Variants in CAB39L observed in about 807,000 individuals in gnomAD.
CAB39L encodes calcium binding protein 39 like.
CAB39L carries 23 observed loss-of-function variants against 39.1 expected under a neutral mutation model. That is an observed-to-expected ratio of 0.59 (90% CI 0.42 to 0.83). The LOEUF is 0.83. Among genes scored for constraint, CAB39L ranks in the 40% least tolerant of loss-of-function variants. CAB39L has a pLI of 0.00. For missense variants in CAB39L, 366 were observed against 391.9 expected (o/e 0.93, Z 0.56); for synonymous variants, 126 against 137.2 (o/e 0.92, Z 0.57).
Position 49,361,115 on chromosome 13 carries a change from GAA to G in CAB39L, c.277-1285_277-1284del, listed in dbSNP as rs138356553. Among the ~76,000 whole-genome samples the G allele has an allele frequency of 8.9e-3, 1,362 of 152,194 alleles. 10 individuals carry two copies. The highest frequency in any genetic ancestry group is 0.016 in the Non-Finnish European group (1,057 of 68,020). ...CTCACCCTGCAGAGTGAGCTAGCTAGAAATGCAAATATGACCATGCCATCTCT... is the reference window on the plus strand; with the variant it reads ...CTCACCCTGCAGAGTGAGCTAGCTAGATGCAAATATGACCATGCCATCTCT... On this transcript the variant is annotated intron_variant, in intron 5 of 10. Coordinates refer to ENST00000409308, the MANE Select transcript of CAB39L (RefSeq NM_001079670.3).
intron 3 of CAB39L, among the ~76,000 whole-genome samples, chr13:49,429,673 G>A (rs1170419168): frequency 6.6e-6 from 1 of 152,168 alleles, no homozygotes; most frequent in Admixed American, 6.5e-5. Flanking sequence ...ACCAGCATGA[G>A]TATACCATGA....
chr13:49,443,878 C>T (rs1194883312), intron 1 of CAB39L, 108 bp downstream of exon 1: 4 of 455,294 alleles, frequency 8.8e-6, no homozygotes, highest in Non-Finnish European at 1.8e-5. Context: ...CTCTCCTTTA[C>T]CCCATTGTTC....
At chr13:49,399,596 G>A (rs982794557) in intron 3 of CAB39L, among the ~76,000 whole-genome samples, 2 of 151,992 alleles carry the variant, frequency 1.3e-5, no homozygotes, top group Non-Finnish European at 2.9e-5. Context: ...GGGAAAATGG[G>A]TTCTAAATTT....
intron 10 of CAB39L, among the ~76,000 whole-genome samples, chr13:49,330,424 A>G (rs1167584625): frequency 6.6e-6 from 1 of 152,112 alleles, no homozygotes; most frequent in Non-Finnish European, 1.5e-5. Flanking sequence ...TAAGATTTTG[A>G]GACCAGCCTG....
At chr13:49,405,269 G>A (rs1956848082) in intron 3 of CAB39L, among the ~76,000 whole-genome samples, 3 of 152,024 alleles carry the variant, frequency 2.0e-5, no homozygotes, top group Admixed American at 2.0e-4. Context: ...GGAAAGAGCA[G>A]TAAGACATAT....
At chr13:49,329,439 C>T (rs1040011198) in intron 10 of CAB39L, among the ~76,000 whole-genome samples, 2 of 150,410 alleles carry the variant, frequency 1.3e-5, no homozygotes, top group East Asian at 2.0e-4. Flanking sequence ...TCCAGAGAGC[C>T]GAACACATGG....
chr13:49,431,142 C>T (rs1271913759), intron 3 of CAB39L, among the ~76,000 whole-genome samples: 1 of 152,166 alleles, frequency 6.6e-6, no homozygotes, highest in East Asian at 1.9e-4. Context: ...CTTTCCTGTC[C>T]CTTTGAATTC....
At chr13:49,362,871 A>G (rs2138513817) in intron 5 of CAB39L, among the ~76,000 whole-genome samples, 1 of 152,334 alleles carries the variant, frequency 6.6e-6, no homozygotes, top group African/African-American at 2.4e-5. Context: ...CAAATAACAT[A>G]CAATGGAGCT....
rs966535562 is a variant in CAB39L, at chr13:49,351,005, A to C, written c.396-93T>G. On this transcript the variant is annotated intron_variant, in intron 6 of 10. Coordinates refer to ENST00000409308, the MANE Select transcript of CAB39L (RefSeq NM_001079670.3). ...AAGAACCATTTCAATACTGCTATTA[A>C]TGGAAGCATACATACCATTTGTCAC... The C allele has an allele frequency of 1.7e-5, 15 of 874,942 alleles. No individual in the cohort carries two copies. In the Admixed American group the frequency reaches 4.5e-4, roughly 26 times the overall value. 54.2% of individuals were successfully genotyped at this position (874,942 alleles called of 1,614,324 possible).
chr13:49,396,277 TA>T (rs1292167878), intron 3 of CAB39L, among the ~76,000 whole-genome samples: 87 of 152,258 alleles, frequency 5.7e-4, no homozygotes, highest in Non-Finnish European at 1.1e-3. Flanking sequence ...TTTCCTCACA[TA>T]AGTTTATTTT....
chr13:49,332,156 C>T, intron 9 of CAB39L, 66 bp from the exon 10 acceptor site: 2 of 1,551,034 alleles, frequency 1.3e-6, no homozygotes. Flanking sequence ...TAGCTCACGT[C>T]TTCTCACTGA....
chr13:49,412,814 T>A (rs934699104), intron 3 of CAB39L: 2 of 152,160 alleles, frequency 1.3e-5, no homozygotes, highest in Non-Finnish European at 2.9e-5. Context: ...CATGCACAGT[T>A]CACAGAAGGG....
rs1003493455 is a variant in CAB39L at position 49,415,058 on chromosome 13, G to A, written c.-32+18260C>T. On this transcript the variant is annotated intron_variant, in intron 3 of 10. Coordinates refer to ENST00000409308, the MANE Select transcript of CAB39L (RefSeq NM_001079670.3). The stretch of plus-strand genomic sequence containing the variant: ...TAAAAATACAAAAAGTTAGCTGGGT[G>A]TGGTGGTGCGTGCCTGTGGTCCTAG... 1.2e-4 allele frequency among the ~76,000 whole-genome samples: 18 copies of A among 151,882 alleles called. 1 individual carries two copies. The highest frequency in any genetic ancestry group is 3.1e-4 in the African/African-American group (13 of 41,336).
In CAB39L at chr13:49,344,164, A is replaced by C; in HGVS notation, c.624+15T>G. On this transcript the variant is annotated intron_variant, in intron 8 of 10. Coordinates refer to ENST00000409308, the MANE Select transcript of CAB39L (RefSeq NM_001079670.3). ...AGAGAAAGTGGGAAAGTCTTTAAAA[A>C]TGATTTCTACTTACAGTGTCGTAAT... is the stretch of plus-strand genomic sequence containing the variant. 6.7e-7 allele frequency: 1 copy of C among 1,497,476 alleles called. No homozygotes were observed. Among genetic ancestry groups the C allele is most frequent in the Non-Finnish European group, 9.3e-7 (1 of 1,074,520 alleles). 92.8% of individuals were successfully genotyped at this position (1,497,476 alleles called of 1,614,324 possible). A position where few individuals can be genotyped will look rare whatever the true frequency, so the allele number is the denominator to read the frequency against.
intron 5 of CAB39L, among the ~76,000 whole-genome samples, chr13:49,361,361 C>T (rs1198211427): frequency 1.3e-5 from 2 of 150,558 alleles, no homozygotes; most frequent in African/African-American, 4.9e-5. Flanking sequence ...ACCTGTAGTC[C>T]CAGCTACTTG....
chr13:49,366,610 A>C (rs1281446208), intron 5 of CAB39L, among the ~76,000 whole-genome samples: 4 of 138,838 alleles, frequency 2.9e-5, no homozygotes, highest in Non-Finnish European at 6.2e-5. Context: ...CTGGGCAACA[A>C]GAGCGAAACT....
At chr13:49,400,600 A>C (rs75654243) in intron 3 of CAB39L, among the ~76,000 whole-genome samples, 1 of 152,122 alleles carries the variant, frequency 6.6e-6, no homozygotes, top group East Asian at 1.9e-4. Flanking sequence ...TTCATTTTAC[A>C]TAAAGTAGGA....
intron 10 of CAB39L, among the ~76,000 whole-genome samples, chr13:49,312,164 G>A (rs1954013391): frequency 6.6e-6 from 1 of 152,102 alleles, no homozygotes; most frequent in Admixed American, 6.5e-5. Context: ...CAAAGCTGTG[G>A]GATTACAGGC....
Position 49,420,132 on chromosome 13 carries a change from ATTT to A in CAB39L, c.-32+13183_-32+13185del, listed in dbSNP as rs935044528. Among the ~76,000 whole-genome samples, 129 of 152,354 alleles carry A rather than the reference ATTT, an allele frequency of 8.5e-4. 1 individual carries two copies. Among genetic ancestry groups the A allele is most frequent in the African/African-American group, 3.0e-3 (126 of 41,582 alleles). On this transcript the variant is annotated intron_variant, in intron 3 of 10. Coordinates refer to ENST00000409308, the MANE Select transcript of CAB39L (RefSeq NM_001079670.3). ...TTTAGATATCTGTGAAAGGACAATT[ATTT>A]TAATATTCTTTAATGTACAAGATTT...
Sources: gnomAD v4.1 joint callset for allele counts (sites outside exome capture counted in the v4.1 genomes callset) on GRCh38, gnomAD v4.1.1 for gene constraint, MANE v1.5 for transcripts, NCBI Gene and HGNC (gene_info 2026-07-23, HGNC 2026-07-21) for gene names.